KCNK9: variants seen among roughly 807,000 people sequenced by gnomAD.
KCNK9 encodes potassium two pore domain channel subfamily K member 9.
In KCNK9, 1 loss-of-function variant was observed where a neutral mutation model predicts 10.8. The observed-to-expected ratio is 0.09, with a 90% CI of 0.03 to 0.44. The LOEUF (loss-of-function observed/expected upper bound fraction) is 0.44. Ranked by LOEUF, KCNK9 falls within the 20% of genes least tolerant of loss-of-function variation. The pLI is 0.97. For synonymous variants in KCNK9, 231 were observed against 222.7 expected (o/e 1.04, Z -0.33); for missense variants, 303 against 515.0 (o/e 0.59, Z 3.98).
chr8:139,687,691 T>C (rs1373639119), intron 1 of KCNK9, among the ~76,000 whole-genome samples: 2 of 142,486 alleles, frequency 1.4e-5, no homozygotes, highest in African/African-American at 2.6e-5. Context: ...TATTCATATG[T>C]ATACATATAT....
downstream of KCNK9, among the ~76,000 whole-genome samples, chr8:139,613,230 G>C (rs911272025): frequency 3.9e-5 from 6 of 152,212 alleles, no homozygotes; most frequent in African/African-American, 1.4e-4. Flanking sequence ...GGGTGGCAAA[G>C]TATTGAGGCT....
intron 1 of KCNK9, among the ~76,000 whole-genome samples, chr8:139,678,920 A>G (rs189802885): frequency 1.8e-4 from 27 of 152,390 alleles, no homozygotes; most frequent in African/African-American, 6.2e-4. Context: ...ACATCTACAC[A>G]GTGGCAAGAC....
At chr8:139,622,062 A>C (rs759121041) in intron 1 of KCNK9, among the ~76,000 whole-genome samples, 4 of 152,192 alleles carry the variant, frequency 2.6e-5, no homozygotes, top group Non-Finnish European at 4.4e-5. Flanking sequence ...GTCCTGTCTC[A>C]GGCTTATGTC....
chr8:139,643,124 T>C (rs1815559967), intron 1 of KCNK9, among the ~76,000 whole-genome samples: 1 of 152,168 alleles, frequency 6.6e-6, no homozygotes, highest in Non-Finnish European at 1.5e-5. Context: ...GTGGGCTTCC[T>C]CATGGGCCAA....
At chr8:139,637,760 T>C (rs1000107500) in intron 1 of KCNK9, among the ~76,000 whole-genome samples, 1 of 146,098 alleles carries the variant, frequency 6.8e-6, no homozygotes, top group East Asian at 2.0e-4. Context: ...ATTCCTACTC[T>C]ACACACACAC....
chr8:139,628,212 T>C (rs1815038639), intron 1 of KCNK9, among the ~76,000 whole-genome samples: 1 of 152,148 alleles, frequency 6.6e-6, no homozygotes. Context: ...CATACACGGC[T>C]CTCCATCTCC....
intron 1 of KCNK9, among the ~76,000 whole-genome samples, chr8:139,670,208 G>T (rs1563744394): frequency 6.6e-6 from 1 of 152,194 alleles, no homozygotes; most frequent in Non-Finnish European, 1.5e-5. Context: ...CTCTTGTACA[G>T]ATGTGGTTCC....
chr8:139,646,735 A>G (rs1815697533), intron 1 of KCNK9, among the ~76,000 whole-genome samples: 1 of 152,250 alleles, frequency 6.6e-6, no homozygotes, highest in Non-Finnish European at 1.5e-5. Context: ...CAGGCTTTTG[A>G]AATCTTTTAA....
At chr8:139,671,757 C>T (rs1158386678) in intron 1 of KCNK9, among the ~76,000 whole-genome samples, 1 of 152,100 alleles carries the variant, frequency 6.6e-6, no homozygotes, top group Non-Finnish European at 1.5e-5. Context: ...TTTTCAGTTT[C>T]ACCATGTTGG....
chr8:139,693,657 G>T lies in KCNK9; in HGVS notation c.283+9053C>A, dbSNP rs1461055248. 2.0e-5 allele frequency among the ~76,000 whole-genome samples: 3 copies of T among 152,160 alleles called. No homozygotes were observed. Among genetic ancestry groups the T allele is most frequent in the Non-Finnish European group, 4.4e-5 (3 of 68,034 alleles). ...TGGGGAGCAAAGAAACAAGTCCTTTGCTCAAGAGGATAAAGGACAATTGGG... is the reference window on the plus strand; with the variant it reads ...TGGGGAGCAAAGAAACAAGTCCTTTTCTCAAGAGGATAAAGGACAATTGGG... On this transcript the variant is annotated intron_variant, in intron 1 of 1. Coordinates refer to ENST00000520439, the MANE Select transcript of KCNK9 (RefSeq NM_001282534.2). The surrounding 1 kb of genome is among the most constrained non-coding windows in gnomAD (Gnocchi z 4.1).
Position 139,689,152 on chromosome 8 carries a change from C to A in KCNK9, c.283+13558G>T, listed in dbSNP as rs193006180. ...AAGAAAGGCTTCCGAAGAAATCAAC[C>A]TGCTGACACCTTGATCTTGGACTTC... On this transcript the variant is annotated intron_variant, in intron 1 of 1. Coordinates refer to ENST00000520439, the MANE Select transcript of KCNK9 (RefSeq NM_001282534.2). Among the ~76,000 whole-genome samples, 138 of 152,270 alleles carry A rather than the reference C, an allele frequency of 9.1e-4. 1 individual carries two copies. The highest frequency in any genetic ancestry group is 3.2e-3 in the African/African-American group (134 of 41,552).
At chr8:139,651,447 A>G (rs1331683184) in intron 1 of KCNK9, among the ~76,000 whole-genome samples, 1 of 152,158 alleles carries the variant, frequency 6.6e-6, no homozygotes, top group East Asian at 1.9e-4. Context: ...ATCATCATTC[A>G]CACCCAGGGT....
At chr8:139,683,152 G>A (rs1005794737) in intron 1 of KCNK9, among the ~76,000 whole-genome samples, 2 of 152,146 alleles carry the variant, frequency 1.3e-5, no homozygotes, top group African/African-American at 2.4e-5. Flanking sequence ...CTGCCTGTAC[G>A]GGAAGATTCT....
intron 1 of KCNK9, among the ~76,000 whole-genome samples, chr8:139,700,538 A>ACACACACACACACG (rs1817190334): frequency 8.3e-6 from 1 of 119,786 alleles, no homozygotes; most frequent in East Asian, 3.0e-4. Flanking sequence ...ACACACACAC[A>ACACACACACACACG]CGCGCGCACA....
At chr8:139,687,071 G>A (rs944916190) in intron 1 of KCNK9, among the ~76,000 whole-genome samples, 1 of 151,954 alleles carries the variant, frequency 6.6e-6, no homozygotes, top group Non-Finnish European at 1.5e-5. Context: ...CCTCCTATAA[G>A]AACACCAAGA....
intron 1 of KCNK9, among the ~76,000 whole-genome samples, chr8:139,636,254 T>C (rs1189180333): frequency 3.3e-5 from 5 of 152,234 alleles, no homozygotes; most frequent in Non-Finnish European, 7.3e-5. Context: ...TCAGAGAGGC[T>C]AAGTACCCTG....
intron 1 of KCNK9, among the ~76,000 whole-genome samples, chr8:139,681,465 G>A (rs1287031814): frequency 6.6e-6 from 1 of 152,250 alleles, no homozygotes; most frequent in Non-Finnish European, 1.5e-5. Context: ...TCCAGGGGAA[G>A]GAGTGAGAAG....
intron 1 of KCNK9, among the ~76,000 whole-genome samples, chr8:139,678,359 G>A (rs1816610392): frequency 6.6e-6 from 1 of 152,218 alleles, no homozygotes; most frequent in African/African-American, 2.4e-5. Flanking sequence ...AGAGCCCTGA[G>A]GTCACTGTCC....
downstream of KCNK9, among the ~76,000 whole-genome samples, chr8:139,615,073 G>GAAAGA (rs1477238071): frequency 2.0e-5 from 3 of 152,318 alleles, no homozygotes; most frequent in East Asian, 3.9e-4. Context: ...TTGGATGAAA[G>GAAAGA]AAAGAAATTA....
Sources: allele counts gnomAD v4.1 joint callset (sites outside exome capture counted in the v4.1 genomes callset), GRCh38; gene constraint gnomAD v4.1.1; non-coding constraint Gnocchi (gnomAD v3.1); transcripts MANE v1.5; gene names NCBI Gene and HGNC (gene_info 2026-07-23, HGNC 2026-07-21).